TSPAN9: variants seen among roughly 807,000 people sequenced by gnomAD.
The protein encoded by TSPAN9 is tetraspanin-9.
A neutral mutation model predicts 31.0 loss-of-function variants in TSPAN9; 16 were observed. The observed-to-expected ratio is 0.52, with a 90% CI of 0.35 to 0.78. The LOEUF is 0.78. Ranked by LOEUF, TSPAN9 falls within the 30% of genes least tolerant of loss-of-function variation. The pLI is 0.01. For synonymous variants in TSPAN9, 145 were observed against 121.6 expected (o/e 1.19, Z -1.27); for missense variants, 272 against 312.5 (o/e 0.87, Z 0.98).
chr12:3,269,275 C>T (rs1469776047), intron 3 of TSPAN9, among the ~76,000 whole-genome samples: 6 of 30,114 alleles, frequency 2.0e-4, no homozygotes, highest in African/African-American at 4.4e-4. Flanking sequence ...GCCCTGTGTT[C>T]CTGCAGCCTG....
chr12:3,175,017 T>A (rs12810233), intron 2 of TSPAN9, among the ~76,000 whole-genome samples: 70,081 of 152,034 alleles, frequency 0.46, 16,323 homozygotes, highest in East Asian at 0.55. Context: ...GGTGGCCAGG[T>A]GAACTGGTGA....
At chr12:3,221,300 A>G (rs1016886615) in intron 3 of TSPAN9, among the ~76,000 whole-genome samples, 1 of 151,884 alleles carries the variant, frequency 6.6e-6, no homozygotes, top group Non-Finnish European at 1.5e-5. Context: ...ACTGTGCAAC[A>G]TATTACAACA....
intron 3 of TSPAN9, among the ~76,000 whole-genome samples, chr12:3,202,215 T>G (rs1300067595): frequency 1.3e-5 from 2 of 152,238 alleles, no homozygotes; most frequent in Non-Finnish European, 2.9e-5. Context: ...CGTCTCTGCC[T>G]TTCTTCACCC....
At chr12:3,219,013 T>C (rs1179399525) in intron 3 of TSPAN9, among the ~76,000 whole-genome samples, 1 of 152,212 alleles carries the variant, frequency 6.6e-6, no homozygotes, top group East Asian at 1.9e-4. Flanking sequence ...GTCTGTTTTC[T>C]GTTGTGTCTG....
intron 3 of TSPAN9, among the ~76,000 whole-genome samples, chr12:3,222,885 G>A (rs975288487): frequency 3.3e-5 from 5 of 152,094 alleles, no homozygotes; most frequent in African/African-American, 7.2e-5. Context: ...GTCCTATGGC[G>A]GAGATCCCGA....
chr12:3,084,764 G>A (rs1197295892), intron 2 of TSPAN9, among the ~76,000 whole-genome samples: 2 of 152,202 alleles, frequency 1.3e-5, no homozygotes, highest in Admixed American at 6.5e-5. Flanking sequence ...CTTTACCAGC[G>A]GCAGCAGGTA....
chr12:3,118,505 A>G (rs1017580241), intron 2 of TSPAN9, among the ~76,000 whole-genome samples: 6 of 150,524 alleles, frequency 4.0e-5, no homozygotes, highest in African/African-American at 1.5e-4. Flanking sequence ...AGATGATCCG[A>G]CCGCCTTGGC....
intron 3 of TSPAN9, among the ~76,000 whole-genome samples, chr12:3,276,897 C>T (rs567672449): frequency 9.7e-4 from 148 of 152,286 alleles, no homozygotes; most frequent in Non-Finnish European, 1.9e-3. Flanking sequence ...CCTCCCCTCA[C>T]CTTCCCATGG....
intron 2 of TSPAN9, among the ~76,000 whole-genome samples, chr12:3,134,675 A>T (rs751103993): frequency 6.6e-6 from 1 of 152,114 alleles, no homozygotes; most frequent in Non-Finnish European, 1.5e-5. Flanking sequence ...GGGGCGCCCA[A>T]CTTCTGAGAC....
chr12:3,093,538 A>G (rs899201616), intron 2 of TSPAN9, among the ~76,000 whole-genome samples: 1 of 152,224 alleles, frequency 6.6e-6, no homozygotes, highest in African/African-American at 2.4e-5. Context: ...GCCACCTCCA[A>G]CCAGCCACAA....
chr12:3,081,997 C>T (rs2098298176), intron 1 of TSPAN9, among the ~76,000 whole-genome samples: 2 of 150,736 alleles, frequency 1.3e-5, no homozygotes, highest in African/African-American at 2.4e-5. Flanking sequence ...AATTCTGTCT[C>T]TTAAAAAAAA....
At chr12:3,092,796 G>A (rs2098305539) in intron 2 of TSPAN9, among the ~76,000 whole-genome samples, 1 of 152,226 alleles carries the variant, frequency 6.6e-6, no homozygotes, top group African/African-American at 2.4e-5. Flanking sequence ...CTCCCTGGGC[G>A]CTGAGGATTG....
intron 2 of TSPAN9, among the ~76,000 whole-genome samples, chr12:3,162,067 A>C (rs1388878232): frequency 6.6e-6 from 1 of 152,104 alleles, no homozygotes; most frequent in East Asian, 1.9e-4. Flanking sequence ...TCCCTCATGA[A>C]TAGATTAATG....
At chr12:3,174,729 C>CCTG (rs1200664504) in intron 2 of TSPAN9, among the ~76,000 whole-genome samples, 1 of 146,512 alleles carries the variant, frequency 6.8e-6, no homozygotes, top group Non-Finnish European at 1.5e-5. Context: ...ACTACAGGCG[C>CCTG]CCACCACCGC....
chr12:3,088,032 G>A (rs2098301554), intron 2 of TSPAN9, among the ~76,000 whole-genome samples: 1 of 152,186 alleles, frequency 6.6e-6, no homozygotes, highest in Non-Finnish European at 1.5e-5. Context: ...CCCCAGCCCC[G>A]TCTCAGGGCC....
chr12:3,225,849 A>G lies in TSPAN9; in HGVS notation c.63+24593A>G, dbSNP rs114486846. ...AGAGGTGGACTCCCTAGAGAGGTGG[A>G]CAGGTTCATTCTCAGCTGGAAGAAC... On this transcript the variant is annotated intron_variant, in intron 3 of 8. Coordinates refer to ENST00000011898, the MANE Select transcript of TSPAN9 (RefSeq NM_006675.5). Among the ~76,000 whole-genome samples, 1,076 of 152,128 alleles carry G rather than the reference A, an allele frequency of 7.1e-3. 17 individuals carry two copies. Among genetic ancestry groups the G allele is most frequent in the African/African-American group, 0.024 (1,002 of 41,478 alleles).
At chr12:3,183,618 A>G (rs903230874) in intron 2 of TSPAN9, among the ~76,000 whole-genome samples, 1 of 152,218 alleles carries the variant, frequency 6.6e-6, no homozygotes, top group Non-Finnish European at 1.5e-5. Flanking sequence ...TTCACAGGGC[A>G]GGTTATCAAC....
intron 1 of TSPAN9, among the ~76,000 whole-genome samples, chr12:3,081,758 G>A (rs2153961689): frequency 6.6e-6 from 1 of 150,872 alleles, no homozygotes; most frequent in Non-Finnish European, 1.5e-5. Flanking sequence ...TTGAGCCCAG[G>A]GATTTGAGAC....
intron 2 of TSPAN9, among the ~76,000 whole-genome samples, chr12:3,159,413 T>C (rs1467386483): frequency 1.3e-5 from 2 of 152,168 alleles, no homozygotes; most frequent in African/African-American, 4.8e-5. Flanking sequence ...ACCATCACAC[T>C]CTCCCATTGT....
Sources: allele counts gnomAD v4.1 joint callset (sites outside exome capture counted in the v4.1 genomes callset), GRCh38; gene constraint gnomAD v4.1.1; transcripts MANE v1.5; gene names NCBI Gene and HGNC (gene_info 2026-07-23, HGNC 2026-07-21).